CDK8: variants seen among roughly 807,000 people sequenced by gnomAD.
The protein encoded by CDK8 is cyclin-dependent kinase 8.
In CDK8, 29 loss-of-function variants were observed where a neutral mutation model predicts 71.5. That is an observed-to-expected ratio of 0.41 (90% confidence interval 0.30 to 0.55). The LOEUF (loss-of-function observed/expected upper bound fraction) is 0.55, where lower values mean the gene tolerates loss of function less well. Among genes scored for constraint, CDK8 ranks in the 20% least tolerant of loss-of-function variants. CDK8 has a pLI of 0.37. For synonymous variants in CDK8, 161 were observed against 192.1 expected, an observed-to-expected ratio of 0.84 and a Z score of 1.34; for missense variants, 288 against 572.6, an observed-to-expected ratio of 0.50 and a Z score of 5.07.
At chr13:26,310,233 C>G (rs965926045) in intron 1 of CDK8, among the ~76,000 whole-genome samples, 1 of 152,228 alleles carries the variant, frequency 6.6e-6, no homozygotes, top group African/African-American at 2.4e-5. Flanking sequence ...CATCTGCTCT[C>G]TGTGTGTGCA....
Position 26,254,886 on chromosome 13 carries a change from G to T in CDK8, c.128+117G>T, listed in dbSNP as rs556475661. On this transcript the variant is annotated intron_variant, in intron 1 of 12. Transcript: ENST00000381527. This position sits in a 1 kb window ranked among gnomAD's most constrained non-coding sequence, Gnocchi z 6.7. ...GCCGGGCTCTGACTTCCTCGACGCC[G>T]GCCTCTGGCTCCGCCAGCCAGGTTT... The T allele has an allele frequency of 4.5e-4, 636 of 1,412,670 alleles. No individual in the cohort carries two copies. Among genetic ancestry groups the T allele is most frequent in the Non-Finnish European group, 5.4e-4 (565 of 1,044,458 alleles). The allele number at this position is 1,412,670 out of a possible 1,614,324, so 87.5% of individuals were successfully genotyped here.
Position 26,401,316 on chromosome 13 carries a change from C to T in CDK8, c.1079C>T (p.Thr360Met), listed in dbSNP as rs1876246563. Residue 360 changes from threonine (T) to methionine (M), a missense_variant, in exon 11 of 13, where the codon ACG becomes ATG. By Grantham distance (81) the Thr-to-Met change is moderately conservative. This residue lies in a region of CDK8 where 96 missense variants were observed against 229.8 expected (regional missense o/e 0.42). Transcript: ENST00000381527. This position sits in a 1 kb window ranked among gnomAD's most constrained non-coding sequence, Gnocchi z 4.5. The part of the protein sequence containing the change: ...QIPYPKREFL[T>M]EEEPDDKGDK... ...CCTTACCCAAAACGAGAATTTTTAA[C>T]GGAAGAAGAACCTGATGACAAAGGA... The T allele has an allele frequency of 3.7e-6, 6 of 1,614,080 alleles. No homozygotes were observed. The highest frequency in any genetic ancestry group is 2.2e-5 in the East Asian group (1 of 44,884).
chr13:26,340,233 A>T (rs950114870), intron 2 of CDK8, among the ~76,000 whole-genome samples: 1 of 152,090 alleles, frequency 6.6e-6, no homozygotes, highest in Non-Finnish European at 1.5e-5. Flanking sequence ...TTTTCCTTTT[A>T]TCTATGAGTT....
At chr13:26,337,024 A>C (rs1873023401) in intron 1 of CDK8, among the ~76,000 whole-genome samples, 1 of 151,944 alleles carries the variant, frequency 6.6e-6, no homozygotes, top group South Asian at 2.1e-4. Context: ...TATCCTCAGT[A>C]CCTAGCACAG....
intron 6 of CDK8, among the ~76,000 whole-genome samples, chr13:26,389,432 T>C (rs547016484): frequency 2.0e-5 from 3 of 151,800 alleles, no homozygotes; most frequent in African/African-American, 7.2e-5. Context: ...AGTGCTGGGA[T>C]TACAGGTGTG....
intron 4 of CDK8, among the ~76,000 whole-genome samples, chr13:26,362,842 G>A (rs1427654321): frequency 6.6e-6 from 1 of 152,038 alleles, no homozygotes; most frequent in East Asian, 1.9e-4. Flanking sequence ...TAAAATATGT[G>A]ATATCCAAAA....
At chr13:26,285,518 A>G (rs1872968210) in intron 1 of CDK8, among the ~76,000 whole-genome samples, 1 of 152,246 alleles carries the variant, frequency 6.6e-6, no homozygotes, top group Non-Finnish European at 1.5e-5. Context: ...GTCTGTGACA[A>G]ACCCACAGCC....
intron 2 of CDK8, among the ~76,000 whole-genome samples, chr13:26,338,190 AGT>A (rs1873072912): frequency 6.6e-6 from 1 of 152,042 alleles, no homozygotes; most frequent in Non-Finnish European, 1.5e-5. Context: ...ATTTAAACTG[AGT>A]GTTACTTTTT....
chr13:26,334,190 G>T (rs1180801294), intron 1 of CDK8, among the ~76,000 whole-genome samples: 2 of 152,152 alleles, frequency 1.3e-5, no homozygotes, highest in Admixed American at 6.5e-5. Context: ...AGAAGAAATT[G>T]TCATATACCA....
intron 1 of CDK8, among the ~76,000 whole-genome samples, chr13:26,332,070 C>T (rs1389777780): frequency 2.6e-5 from 4 of 152,044 alleles, no homozygotes; most frequent in African/African-American, 9.7e-5. Flanking sequence ...TTTGTTCTAG[C>T]TTTTTAAGTG....
intron 1 of CDK8, among the ~76,000 whole-genome samples, chr13:26,293,703 A>G (rs1362509325): frequency 7.9e-5 from 12 of 151,968 alleles, no homozygotes; most frequent in Non-Finnish European, 1.6e-4. Flanking sequence ...TAATTGATAA[A>G]TATTGTATAT....
At chr13:26,391,579 G>A (rs1390390080) in intron 6 of CDK8, among the ~76,000 whole-genome samples, 5 of 152,090 alleles carry the variant, frequency 3.3e-5, no homozygotes, top group Non-Finnish European at 5.9e-5. Context: ...ATCCCTTTTT[G>A]TGATCCTACT....
At chr13:26,264,017 G>C (rs1190707945) in intron 1 of CDK8, among the ~76,000 whole-genome samples, 1 of 152,170 alleles carries the variant, frequency 6.6e-6, no homozygotes, top group Non-Finnish European at 1.5e-5. Flanking sequence ...AAAGTGCTGG[G>C]ATTACTGGCG....
chr13:26,293,800 TA>T (rs1458150984), intron 1 of CDK8, among the ~76,000 whole-genome samples: 1 of 152,106 alleles, frequency 6.6e-6, no homozygotes, highest in Non-Finnish European at 1.5e-5. Flanking sequence ...AACTCACACA[TA>T]TCTACTCTGC....
chr13:26,317,100 C>T (rs548209485), intron 1 of CDK8, among the ~76,000 whole-genome samples: 1 of 152,216 alleles, frequency 6.6e-6, no homozygotes, highest in South Asian at 2.1e-4. Flanking sequence ...AAGGTTTAAG[C>T]GACCTGTGTG....
At chr13:26,386,517 A>G (rs1395567097) in intron 6 of CDK8, among the ~76,000 whole-genome samples, 1 of 152,172 alleles carries the variant, frequency 6.6e-6, no homozygotes, top group Non-Finnish European at 1.5e-5. Flanking sequence ...CTCCAGGCAT[A>G]TTCTACCACT....
chr13:26,318,671 G>A (rs1874624212), intron 1 of CDK8, among the ~76,000 whole-genome samples: 2 of 152,114 alleles, frequency 1.3e-5, no homozygotes, highest in Non-Finnish European at 2.9e-5. Flanking sequence ...AAAATAAATT[G>A]TTGTAATATA....
At chr13:26,376,296 A>G (rs555809939) in intron 4 of CDK8, among the ~76,000 whole-genome samples, 1 of 152,276 alleles carries the variant, frequency 6.6e-6, no homozygotes, top group South Asian at 2.1e-4. Flanking sequence ...CTGTGCCTTG[A>G]TACTTCTCCT....
chr13:26,359,346 T>C (rs1195349765), intron 4 of CDK8, among the ~76,000 whole-genome samples: 3 of 152,210 alleles, frequency 2.0e-5, no homozygotes, highest in Non-Finnish European at 2.9e-5. Context: ...AAATGGTTGA[T>C]AAATTTTATG....
Sources: allele counts gnomAD v4.1 joint callset (sites outside exome capture counted in the v4.1 genomes callset), GRCh38; gene constraint gnomAD v4.1.1; regional missense constraint gnomAD v4.1.1; non-coding constraint Gnocchi (gnomAD v3.1); transcripts MANE v1.5; gene names NCBI Gene and HGNC (gene_info 2026-07-23, HGNC 2026-07-21).